Variants in LRMDA observed in about 807,000 individuals in gnomAD.
LRMDA encodes leucine rich melanocyte differentiation associated, also known as leucine-rich melanocyte differentiation-associated protein.
A neutral mutation model predicts 29.8 loss-of-function variants in LRMDA; 18 were observed. The observed-to-expected ratio is 0.60, with a 90% confidence interval of 0.42 to 0.90. The LOEUF is 0.90. LRMDA is among the 40% of genes least tolerant of loss of function. The pLI, the probability that LRMDA is intolerant of heterozygous loss-of-function variation, is 0.00. For synonymous variants in LRMDA, 125 were observed against 109.4 expected (o/e 1.14, Z -0.89); for missense variants, 273 against 273.9 (o/e 1.00, Z 0.02).
intron 5 of LRMDA, among the ~76,000 whole-genome samples, chr10:76,283,380 A>G (rs1029978401): frequency 6.6e-6 from 1 of 152,110 alleles, no homozygotes; most frequent in East Asian, 1.9e-4. Context: ...GGAAAGGGAG[A>G]TAGAGTTCTT....
intron 2 of LRMDA, among the ~76,000 whole-genome samples, chr10:75,671,353 C>A (rs1312367674): frequency 6.6e-6 from 1 of 152,054 alleles, no homozygotes; most frequent in African/African-American, 2.4e-5. Flanking sequence ...TGGTCATAAC[C>A]CCAGATATCT....
chr10:75,517,137 G>T (rs1288384356), intron 2 of LRMDA, among the ~76,000 whole-genome samples: 1 of 152,104 alleles, frequency 6.6e-6, no homozygotes, highest in Non-Finnish European at 1.5e-5. Context: ...GTAGCATGAT[G>T]CCTCCAGCTT....
At chr10:75,600,412 A>G (rs1031537319) in intron 2 of LRMDA, among the ~76,000 whole-genome samples, 19 of 152,144 alleles carry the variant, frequency 1.2e-4, no homozygotes, top group African/African-American at 4.3e-4. Context: ...GCACTTCTGA[A>G]TTGTGCTTTT....
chr10:76,086,007 A>C (rs188625248), intron 5 of LRMDA, among the ~76,000 whole-genome samples: 16 of 151,758 alleles, frequency 1.1e-4, no homozygotes, highest in African/African-American at 3.6e-4. Flanking sequence ...CTTCTGCACC[A>C]CCCCCCGCCC....
chr10:75,463,171 A>G (rs1249027510), intron 2 of LRMDA, among the ~76,000 whole-genome samples: 1 of 152,196 alleles, frequency 6.6e-6, no homozygotes, highest in Non-Finnish European at 1.5e-5. Context: ...TGGTGAGGAC[A>G]GGGTGACCTC....
intron 2 of LRMDA, among the ~76,000 whole-genome samples, chr10:75,780,388 C>A (rs2132242167): frequency 6.6e-6 from 1 of 152,206 alleles, no homozygotes; most frequent in Middle Eastern, 3.4e-3. Context: ...TTGGTGAACA[C>A]ATGTTCACCC....
At chr10:75,713,327 CT>C (rs1842459927) in intron 2 of LRMDA, among the ~76,000 whole-genome samples, 1 of 152,112 alleles carries the variant, frequency 6.6e-6, no homozygotes, top group African/African-American at 2.4e-5. Context: ...GAATAAGAGT[CT>C]GTGGTTGAAA....
At chr10:75,938,013 T>G (rs1468267993) in intron 2 of LRMDA, among the ~76,000 whole-genome samples, 1 of 152,228 alleles carries the variant, frequency 6.6e-6, no homozygotes, top group African/African-American at 2.4e-5. Context: ...TTCTTAGTTA[T>G]CAGCTACTGG....
At chr10:76,324,561 C>T in intron 6 of LRMDA, 76 bp downstream of exon 6, 1 of 1,305,358 alleles carries the variant, frequency 7.7e-7, no homozygotes, top group Non-Finnish European at 1.1e-6. Flanking sequence ...TGGCTCATTA[C>T]TGCTGCCTCG....
At chr10:75,749,728 A>T (rs994494153) in intron 2 of LRMDA, among the ~76,000 whole-genome samples, 7 of 152,024 alleles carry the variant, frequency 4.6e-5, no homozygotes, top group African/African-American at 1.7e-4. Context: ...GTCAGCAGAT[A>T]AACATGTGAA....
Position 75,970,556 on chromosome 10 carries a change from G to A in LRMDA, c.132-65452G>A, listed in dbSNP as rs1237638218. On this transcript the variant is annotated intron_variant, in intron 2 of 6. Coordinates refer to ENST00000611255, the MANE Select transcript of LRMDA (RefSeq NM_001305581.2). Reference sequence around the variant, plus strand: ...TGCTTGGGTCCCACTGTGCATCATGGTGCTTTCTAGCTTGTGCATTTTATG... The same window carrying A: ...TGCTTGGGTCCCACTGTGCATCATGATGCTTTCTAGCTTGTGCATTTTATG... Among the ~76,000 whole-genome samples, 5 of 152,198 alleles carry A rather than the reference G, an allele frequency of 3.3e-5. No individual in the cohort carries two copies. In the East Asian group the frequency reaches 9.6e-4, roughly 29 times the overall value.
At chr10:76,088,517 G>T (rs1196505119) in intron 5 of LRMDA, among the ~76,000 whole-genome samples, 1 of 152,218 alleles carries the variant, frequency 6.6e-6, no homozygotes, top group Non-Finnish European at 1.5e-5. Flanking sequence ...AAAGAAATGA[G>T]AATTAGAAAC....
intron 2 of LRMDA, among the ~76,000 whole-genome samples, chr10:75,878,985 A>G (rs1177095355): frequency 6.6e-6 from 1 of 152,140 alleles, no homozygotes; most frequent in Non-Finnish European, 1.5e-5. Context: ...ACTCAGGCCA[A>G]CGGAGACGTT....
intron 6 of LRMDA, among the ~76,000 whole-genome samples, chr10:76,519,038 G>A (rs887594743): frequency 9.9e-4 from 151 of 152,226 alleles, no homozygotes; most frequent in African/African-American, 3.3e-3. Flanking sequence ...GCCAGGTGTG[G>A]TGGTTTACAT....
At chr10:75,492,358 C>G (rs1049495933) in intron 2 of LRMDA, among the ~76,000 whole-genome samples, 8 of 152,224 alleles carry the variant, frequency 5.3e-5, no homozygotes, top group Non-Finnish European at 7.3e-5. Flanking sequence ...CCTAACCTCT[C>G]TATACCTCCT....
intron 6 of LRMDA, among the ~76,000 whole-genome samples, chr10:76,454,819 G>A (rs1842441280): frequency 6.6e-6 from 1 of 152,190 alleles, no homozygotes; most frequent in Non-Finnish European, 1.5e-5. Flanking sequence ...ACAGCAACAG[G>A]AAGAGGGTTA....
At chr10:75,699,205 A>G (rs1170857315) in intron 2 of LRMDA, among the ~76,000 whole-genome samples, 1 of 152,024 alleles carries the variant, frequency 6.6e-6, no homozygotes, top group Non-Finnish European at 1.5e-5. Context: ...GGTCTCAAAA[A>G]AAAAAAAAAA....
chr10:75,512,464 A>G (rs1033192532), intron 2 of LRMDA, among the ~76,000 whole-genome samples: 2 of 152,196 alleles, frequency 1.3e-5, no homozygotes, highest in Non-Finnish European at 1.5e-5. Flanking sequence ...TAAAATACAC[A>G]TAAAAATAGG....
At position 76,169,642 on chromosome 10, in the gene LRMDA, T is replaced by C. The variant is rs572303866; in HGVS notation, c.516+110859T>C. 5.9e-5 allele frequency among the ~76,000 whole-genome samples: 9 copies of C among 152,264 alleles called. No individual in the cohort carries two copies. In the South Asian group the frequency reaches 1.7e-3, roughly 28 times the overall value. ...TGGGTTAATCTCTGTAATAAGCCCA[T>C]AGTGGAGGCCTAATGACAGTCAGAA... On this transcript the variant is annotated intron_variant, in intron 5 of 6. Coordinates refer to ENST00000611255, the MANE Select transcript of LRMDA (RefSeq NM_001305581.2).
Sources: gnomAD v4.1 joint callset for allele counts (sites outside exome capture counted in the v4.1 genomes callset) on GRCh38, gnomAD v4.1.1 for gene constraint, MANE v1.5 for transcripts, NCBI Gene and HGNC (gene_info 2026-07-23, HGNC 2026-07-21) for gene names.